EMX1: variants seen among roughly 807,000 people sequenced by gnomAD.
EMX1 encodes homeobox protein EMX1.
Under a neutral mutation model 20.1 loss-of-function variants are expected in EMX1, and 10 were observed. The observed-to-expected ratio is 0.50, with a 90% CI of 0.31 to 0.84. The LOEUF (loss-of-function observed/expected upper bound fraction) is 0.84, where lower values mean the gene tolerates loss of function less well. Ranked by LOEUF, EMX1 falls within the 40% of genes least tolerant of loss-of-function variation. EMX1 has a pLI of 0.05. For synonymous variants in EMX1, 250 were observed against 200.4 expected (o/e 1.25, Z -2.09); for missense variants, 424 against 431.9 (o/e 0.98, Z 0.16).
Position 72,924,353 on chromosome 2 carries a change from G to T in EMX1, c.565G>T (p.Ala189Ser). 7 of 1,585,528 alleles carry T rather than the reference G, an allele frequency of 4.4e-6. No individual in the cohort carries two copies. Among genetic ancestry groups the T allele is most frequent in the Non-Finnish European group, 5.1e-6 (6 of 1,172,308 alleles). Residue 189 changes from alanine to serine, a missense_variant, in exon 2 of 3, where the codon GCA (alanine) becomes TCA (serine). This residue lies in a region of EMX1 where 333 missense variants were observed against 296.6 expected (regional missense o/e 1.12). Transcript: ENST00000258106. ...QDGLLLHGPF[A>S]RKPKRIRTAF... ...CGGGCTGCTTCTGCACGGCCCCTTCGCACGCAAGCCCAAGCGGATCCGCAC... is the reference window on the plus strand; with the variant it reads ...CGGGCTGCTTCTGCACGGCCCCTTCTCACGCAAGCCCAAGCGGATCCGCAC...
intron 1 of EMX1, among the ~76,000 whole-genome samples, chr2:72,918,686 A>G (rs933742096): frequency 6.6e-6 from 1 of 152,124 alleles, no homozygotes; most frequent in African/African-American, 2.4e-5. Flanking sequence ...TCTCTCTCCC[A>G]GCTGAGCCAG....
intron 2 of EMX1, among the ~76,000 whole-genome samples, chr2:72,931,807 C>T (rs538813892): frequency 2.6e-5 from 4 of 152,390 alleles, no homozygotes; most frequent in Non-Finnish European, 5.9e-5. Flanking sequence ...GGCTGCTCTG[C>T]AGGCACTGAA....
chr2:72,925,986 A>C (rs894333849), intron 2 of EMX1: 1 of 985,164 alleles, frequency 1.0e-6, no homozygotes, highest in African/African-American at 1.7e-5. Flanking sequence ...ATAAGTTAAT[A>C]AAATAACACT....
At chr2:72,926,649 G>A (rs1334875089) in intron 2 of EMX1, among the ~76,000 whole-genome samples, 1 of 152,152 alleles carries the variant, frequency 6.6e-6, no homozygotes, top group Admixed American at 6.5e-5. Context: ...CTGAGCTCTG[G>A]TTTCCTCATT....
intron 1 of EMX1, among the ~76,000 whole-genome samples, chr2:72,921,062 C>G (rs1559058109): frequency 6.6e-6 from 1 of 152,002 alleles, no homozygotes; most frequent in East Asian, 1.9e-4. Flanking sequence ...GCCCTGAGCC[C>G]CTGGCCGGCG....
Position 72,917,597 on chromosome 2 carries a change from C to A in EMX1, c.-256C>A. 1 of 217,760 alleles carries A rather than the reference C, an allele frequency of 4.6e-6. No individual in the cohort carries two copies. Among genetic ancestry groups the A allele is most frequent in the Non-Finnish European group, 8.9e-6 (1 of 112,750 alleles). 13.5% of individuals were successfully genotyped at this position (217,760 alleles called of 1,614,324 possible). A position where few individuals can be genotyped will look rare whatever the true frequency, so the allele number is the denominator to read the frequency against. ...CACCGGGGGCTGGGGTCGGTCCCAG[C>A]GGGACTCCGAAAGGAGGGAGACGAG... On this transcript the variant is annotated 5_prime_UTR_variant, in exon 1 of 3. Coordinates refer to ENST00000258106, the MANE Select transcript of EMX1 (RefSeq NM_004097.3).
intron 2 of EMX1, chr2:72,926,155 C>T: frequency 1.0e-6 from 1 of 985,334 alleles, no homozygotes; most frequent in Non-Finnish European, 1.2e-6. Context: ...CTACCACCCA[C>T]AGATTAACAC....
At position 72,918,155 on chromosome 2, in the gene EMX1, C is replaced by T. The variant is rs372442704; in HGVS notation, c.303C>T (p.Ala101=). ...AEAAFVSGFP[A]AAAAGAGRSL... ...CGGCCTTCGTGAGTGGCTTCCCTGC[C>T]GCGGCCGCCGCGGGCGCGGGCCGCT... is the stretch of plus-strand genomic sequence containing the variant. Residue 101 remains alanine, a synonymous_variant, in exon 1 of 3, where the codon GCC becomes GCT. Coordinates refer to ENST00000258106, the MANE Select transcript of EMX1 (RefSeq NM_004097.3). 1.8e-5 allele frequency: 27 copies of T among 1,500,840 alleles called. 1 individual carries two copies. Among genetic ancestry groups the T allele is most frequent in the African/African-American group, 1.5e-4 (10 of 68,694 alleles). 93.0% of individuals were successfully genotyped at this position (1,500,840 alleles called of 1,614,324 possible).
upstream of EMX1, chr2:72,916,830 T>A (rs770314887): frequency 1.5e-5 from 11 of 716,992 alleles, no homozygotes; most frequent in South Asian, 1.6e-4. Flanking sequence ...GCCGTCCTGG[T>A]CCAAGCCGGT....
intron 1 of EMX1, among the ~76,000 whole-genome samples, chr2:72,921,570 G>A (rs187517456): frequency 2.3e-4 from 35 of 152,238 alleles, no homozygotes; most frequent in South Asian, 1.2e-3. Flanking sequence ...CAGGATGTTT[G>A]GTGTTGTACT....
chr2:72,927,202 G>C (rs1375912378), intron 2 of EMX1, among the ~76,000 whole-genome samples: 1 of 152,108 alleles, frequency 6.6e-6, no homozygotes. Flanking sequence ...CATTATCTTT[G>C]TCATCTATTT....
upstream of EMX1, chr2:72,917,376 T>G (rs6740129): frequency 1.9e-3 from 547 of 284,282 alleles, 3 homozygotes; most frequent in African/African-American, 0.011. Flanking sequence ...GGCCTGGATC[T>G]CCCCGCGAAG....
chr2:72,925,357 G>A (rs1020110702), intron 2 of EMX1: 11 of 1,192,494 alleles, frequency 9.2e-6, no homozygotes, highest in Non-Finnish European at 1.2e-5. Flanking sequence ...TTATAGGGAG[G>A]TGGATTTGGG....
At position 72,918,011 on chromosome 2, in the gene EMX1, C is replaced by T. The variant is rs1671001767; in HGVS notation, c.159C>T (p.Gly53=). 4 of 1,439,126 alleles carry T rather than the reference C, an allele frequency of 2.8e-6. No homozygotes were observed. The highest frequency in any genetic ancestry group is 2.8e-5 in the South Asian group (2 of 71,534). The allele number at this position is 1,439,126 out of a possible 1,614,324, so 89.1% of individuals were successfully genotyped here. A position where few individuals can be genotyped will look rare whatever the true frequency, so the allele number is the denominator to read the frequency against. Residue 53 remains glycine (G), a synonymous_variant, in exon 1 of 3, where the codon GGC becomes GGT. Transcript: ENST00000258106. ...FTIESLVAKD[G]GTGGGTGGGG... ...TAGAGTCCTTGGTGGCCAAGGACGG[C>T]GGCACCGGCGGGGGCACTGGCGGCG...
intron 2 of EMX1, chr2:72,925,611 C>G: frequency 7.9e-7 from 1 of 1,261,500 alleles, no homozygotes; most frequent in Non-Finnish European, 1.0e-6. Flanking sequence ...CTCCTAGTCT[C>G]GACCCTACTA....
chr2:72,925,601 C>T (rs553331441), intron 2 of EMX1: 2 of 1,272,034 alleles, frequency 1.6e-6, no homozygotes, highest in South Asian at 1.3e-5. Flanking sequence ...CTCCCCTTTC[C>T]TCCTAGTCTC....
At chr2:72,927,003 TCTA>T (rs1165996818) in intron 2 of EMX1, among the ~76,000 whole-genome samples, 1 of 152,172 alleles carries the variant, frequency 6.6e-6, no homozygotes, top group Non-Finnish European at 1.5e-5. Flanking sequence ...GCCATGCATT[TCTA>T]CTGTTAATAT....
In EMX1 at chr2:72,918,040, G is replaced by A. The variant is rs1260769367; in HGVS notation, c.188G>A (p.Gly63Asp). The change falls in exon 1 of 3, where the codon GGC becomes GAC. Residue 63 changes from glycine to aspartate, a missense_variant. Coordinates refer to ENST00000258106, the MANE Select transcript of EMX1 (RefSeq NM_004097.3). ...GGTGGGTGGG[G>D]AGSHLLAAAA... is the part of the protein sequence containing the mutation. ...ACCGGCGGGGGCACTGGCGGCGGGG[G>A]CGCGGGCTCCCATCTCCTGGCGGCG... The A allele has an allele frequency of 1.4e-6, 2 of 1,419,928 alleles. No individual in the cohort carries two copies. The highest frequency in any genetic ancestry group is 3.0e-5 in the East Asian group (1 of 32,948). 88.0% of individuals were successfully genotyped at this position (1,419,928 alleles called of 1,614,324 possible).
chr2:72,929,477 G>C (rs1347894690), intron 2 of EMX1, among the ~76,000 whole-genome samples: 2 of 152,192 alleles, frequency 1.3e-5, no homozygotes, highest in Non-Finnish European at 2.9e-5. Flanking sequence ...TTGACCTTGA[G>C]AGTGGGAACA....
Sources: allele counts gnomAD v4.1 joint callset (sites outside exome capture counted in the v4.1 genomes callset), GRCh38; gene constraint gnomAD v4.1.1; regional missense constraint gnomAD v4.1.1; transcripts MANE v1.5; gene names NCBI Gene and HGNC (gene_info 2026-07-23, HGNC 2026-07-21).